SFXN1: variants seen among roughly 807,000 people sequenced by gnomAD.
SFXN1 encodes sideroflexin 1.
In SFXN1, 32 loss-of-function variants were observed where a neutral mutation model predicts 39.5. The ratio of observed to expected loss-of-function variants is 0.81; its 90% CI spans 0.61 to 1.09. The LOEUF (loss-of-function observed/expected upper bound fraction) is 1.09. Ranked by LOEUF, SFXN1 falls within the 50% of genes least tolerant of loss-of-function variation. The pLI is 0.00. For missense variants in SFXN1, 402 were observed against 407.1 expected (o/e 0.99, Z 0.11); for synonymous variants, 136 against 146.5 (o/e 0.93, Z 0.52).
At chr5:175,510,876 A>G (rs1418852009) in intron 4 of SFXN1, among the ~76,000 whole-genome samples, 1 of 152,230 alleles carries the variant, frequency 6.6e-6, no homozygotes, top group African/African-American at 2.4e-5. Flanking sequence ...GTTATATGGA[A>G]CAAAGGATCT....
At chr5:175,513,624 C>A (rs1760612691) in intron 7 of SFXN1, 34 bp downstream of exon 7, 1 of 1,607,124 alleles carries the variant, frequency 6.2e-7, no homozygotes, top group Non-Finnish European at 8.5e-7. Flanking sequence ...TCCATAAATA[C>A]AGGTTGAACC....
intron 2 of SFXN1, among the ~76,000 whole-genome samples, chr5:175,507,367 A>G (rs1292033860): frequency 6.6e-6 from 1 of 152,202 alleles, no homozygotes; most frequent in Non-Finnish European, 1.5e-5. Flanking sequence ...TGTTCAACCC[A>G]GTATAGATTA....
chr5:175,520,967 C>T (rs1728188325), intron 8 of SFXN1, among the ~76,000 whole-genome samples: 3 of 152,178 alleles, frequency 2.0e-5, no homozygotes, highest in South Asian at 2.1e-4. Context: ...TTCCCCCTTA[C>T]GCCAACCCTC....
intron 1 of SFXN1, 137 bp from the exon 2 acceptor site, chr5:175,491,958 C>A: frequency 3.8e-6 from 2 of 529,760 alleles, no homozygotes; most frequent in Non-Finnish European, 6.3e-6. Flanking sequence ...GCCTTTTTGC[C>A]ATTTATAGCA....
chr5:175,503,226 A>G (rs1478951521), intron 2 of SFXN1, among the ~76,000 whole-genome samples: 1 of 152,234 alleles, frequency 6.6e-6, no homozygotes, highest in Admixed American at 6.5e-5. Context: ...TGGTATTTAA[A>G]TTATACCTCA....
At chr5:175,495,837 A>G (rs1438305891) in intron 2 of SFXN1, among the ~76,000 whole-genome samples, 3 of 152,102 alleles carry the variant, frequency 2.0e-5, no homozygotes, top group Non-Finnish European at 4.4e-5. Context: ...ATGAATGTTG[A>G]AACACATAGA....
At chr5:175,508,406 T>A (rs373845697) in intron 2 of SFXN1, among the ~76,000 whole-genome samples, 7 of 151,932 alleles carry the variant, frequency 4.6e-5, no homozygotes, top group East Asian at 3.9e-4. Context: ...TTATTTATTT[T>A]TATTTTTTTA....
chr5:175,510,248 C>T (rs144564582), intron 4 of SFXN1, 41 bp downstream of exon 4: 1 of 1,507,880 alleles, frequency 6.6e-7, no homozygotes, highest in East Asian at 2.3e-5. Context: ...AGTTCTTCAA[C>T]CTTCATTTTA....
At chr5:175,522,920 G>A (rs1760926942) in intron 10 of SFXN1, 1 of 153,190 alleles carries the variant, frequency 6.5e-6, no homozygotes, top group African/African-American at 2.4e-5. Flanking sequence ...TGTGAGAACA[G>A]GACTAACTGG....
chr5:175,494,953 A>G (rs1300561877), intron 2 of SFXN1, among the ~76,000 whole-genome samples: 1 of 152,170 alleles, frequency 6.6e-6, no homozygotes, highest in Admixed American at 6.5e-5. Flanking sequence ...ACCTGAAAGA[A>G]ATGAAAGCAA....
chr5:175,517,234 G>C (rs1760738678), intron 8 of SFXN1, among the ~76,000 whole-genome samples: 1 of 152,156 alleles, frequency 6.6e-6, no homozygotes, highest in Admixed American at 6.5e-5. Context: ...ATTGTTCCAG[G>C]CTGTTACACA....
chr5:175,515,180 C>G (rs1165922266), intron 7 of SFXN1, among the ~76,000 whole-genome samples: 1 of 152,128 alleles, frequency 6.6e-6, no homozygotes, highest in Admixed American at 6.5e-5. Flanking sequence ...CCACACCCAG[C>G]TGATTTTTGT....
chr5:175,513,725 C>T lies in SFXN1; in HGVS notation c.724+135C>T, dbSNP rs901912402. On this transcript the variant is annotated intron_variant, in intron 7 of 10. Coordinates refer to ENST00000321442, the MANE Select transcript of SFXN1 (RefSeq NM_022754.7). ...TCCACTGGGGGTGGCAGAAAATAAA[C>T]AAGTAAATAAAGTATGTAGTATGTG... The T allele has an allele frequency of 1.2e-5, 11 of 925,784 alleles. No individual in the cohort carries two copies. In the African/African-American group the frequency reaches 1.3e-4, roughly 11 times the overall value. The allele number at this position is 925,784 out of a possible 1,614,324, so 57.3% of individuals were successfully genotyped here.
intron 4 of SFXN1, 54 bp from the exon 5 acceptor site, chr5:175,511,397 C>G (rs752346961): frequency 1.8e-5 from 24 of 1,319,304 alleles, no homozygotes; most frequent in Non-Finnish European, 2.4e-5. Context: ...AATGTTGCAC[C>G]AGAGTTTCCT....
chr5:175,480,123 C>T (rs1008875725), intron 1 of SFXN1, among the ~76,000 whole-genome samples: 1 of 152,148 alleles, frequency 6.6e-6, no homozygotes, highest in African/African-American at 2.4e-5. Context: ...GTGTTTGGGC[C>T]AGGCGCGGTG....
intron 3 of SFXN1, among the ~76,000 whole-genome samples, chr5:175,509,726 G>A (rs1415214418): frequency 6.6e-6 from 1 of 151,598 alleles, no homozygotes; most frequent in Non-Finnish European, 1.5e-5. Flanking sequence ...AGGTGTATGT[G>A]TAGACATAGA....
chr5:175,480,278 G>T (rs2113244570), intron 1 of SFXN1, among the ~76,000 whole-genome samples: 1 of 152,270 alleles, frequency 6.6e-6, no homozygotes, highest in South Asian at 2.1e-4. Flanking sequence ...GCGGGCGCCT[G>T]TAGTCCCAGC....
At position 175,492,207 on chromosome 5, in the gene SFXN1, G is replaced by C. The variant is rs1180092616; in HGVS notation, c.104G>C (p.Arg35Thr). The C allele has an allele frequency of 1.2e-6, 2 of 1,613,806 alleles. No homozygotes were observed. Among genetic ancestry groups the C allele is most frequent in the East Asian group, 4.5e-5 (2 of 44,878 alleles). The change falls in exon 2 of 11, where the codon AGG becomes ACG. Residue 35 changes from arginine to threonine, a missense_variant. By Grantham distance (71) the Arg-to-Thr change is moderately conservative. Coordinates refer to ENST00000321442, the MANE Select transcript of SFXN1 (RefSeq NM_022754.7). ...ANHFFTVTDP[R>T]NILLTNEQLE... is the part of the protein sequence containing the mutation. Reference sequence around the variant, plus strand: ...CATTTCTTCACTGTAACTGACCCCAGGAACATTCTGTTAACCAACGAACAA... The same window carrying C: ...CATTTCTTCACTGTAACTGACCCCACGAACATTCTGTTAACCAACGAACAA...
intron 1 of SFXN1, among the ~76,000 whole-genome samples, chr5:175,485,730 C>T (rs1318153096): frequency 6.6e-6 from 1 of 152,164 alleles, no homozygotes; most frequent in African/African-American, 2.4e-5. Context: ...ATTGTTCTCC[C>T]CATCATGGGT....
Sources: allele counts gnomAD v4.1 joint callset (sites outside exome capture counted in the v4.1 genomes callset), GRCh38; gene constraint gnomAD v4.1.1; transcripts MANE v1.5; gene names NCBI Gene and HGNC (gene_info 2026-07-23, HGNC 2026-07-21).